Variants in EFCAB6 observed in about 807,000 individuals in gnomAD.
EFCAB6 encodes the protein EF-hand calcium-binding domain-containing protein 6.
A neutral mutation model predicts 169.8 loss-of-function variants in EFCAB6; 156 were observed. The ratio of observed to expected loss-of-function variants is 0.92; its 90% CI spans 0.81 to 1.05. The LOEUF is 1.05. EFCAB6 is among the 50% of genes least tolerant of loss of function. The pLI, the probability that EFCAB6 is intolerant of heterozygous loss-of-function variation, is 0.00. For synonymous variants in EFCAB6, 698 were observed against 676.4 expected, an observed-to-expected ratio of 1.03 and a Z score of -0.50; for missense variants, 1,800 against 1,829.1, an observed-to-expected ratio of 0.98 and a Z score of 0.29.
chr22:43,772,908 T>C lies in EFCAB6; in HGVS notation c.335A>G (p.Gln112Arg). ...ATACAGCACCTGAGCCAACACGTCC[T>C]GAAACTGTTCTCGTGTGAGCGGCAT... is the stretch of plus-strand genomic sequence containing the variant. ...FLMPLTREQFQDVLAQIPLST... is the reference protein window; with the variant it reads ...FLMPLTREQFRDVLAQIPLST... Residue 112 changes from glutamine (Q) to arginine (R), a missense_variant, in exon 4 of 32, where the codon CAG (glutamine) becomes CGG (arginine). Gln to Arg is a conservative substitution (Grantham distance 43). Coordinates refer to ENST00000262726, the MANE Select transcript of EFCAB6 (RefSeq NM_022785.4). 1.2e-6 allele frequency: 2 copies of C among 1,614,244 alleles called. No individual in the cohort carries two copies. Among genetic ancestry groups the C allele is most frequent in the Non-Finnish European group, 1.7e-6 (2 of 1,180,038 alleles).
intron 29 of EFCAB6, 105 bp from the exon 30 acceptor site, chr22:43,534,977 G>T: frequency 8.0e-7 from 1 of 1,255,680 alleles, no homozygotes; most frequent in Non-Finnish European, 1.1e-6. Flanking sequence ...TTCAGGCCCT[G>T]GCTTGGTCCT....
chr22:43,631,726 T>C (rs1053342553), intron 19 of EFCAB6, among the ~76,000 whole-genome samples: 1 of 152,060 alleles, frequency 6.6e-6, no homozygotes, highest in South Asian at 2.1e-4. Flanking sequence ...TTAGCACAGA[T>C]TCTAGCACAT....
At chr22:43,549,662 G>A (rs1233081454) in intron 27 of EFCAB6, among the ~76,000 whole-genome samples, 6 of 152,162 alleles carry the variant, frequency 3.9e-5, no homozygotes, top group African/African-American at 1.4e-4. Flanking sequence ...AGAAAAAGGG[G>A]ATTAACTAAA....
At chr22:43,690,528 A>AG (rs2058373738) in intron 10 of EFCAB6, among the ~76,000 whole-genome samples, 1 of 151,252 alleles carries the variant, frequency 6.6e-6, no homozygotes, top group Non-Finnish European at 1.5e-5. Flanking sequence ...AAAAAAAAAA[A>AG]AAAATGCAAA....
chr22:43,635,368 A>G (rs1452676319), intron 17 of EFCAB6, 152 bp from the exon 18 acceptor site: 1 of 637,142 alleles, frequency 1.6e-6, no homozygotes, highest in Non-Finnish European at 2.8e-6. Context: ...GGTGGGACCG[A>G]GTCTCCTGTG....
intron 6 of EFCAB6, among the ~76,000 whole-genome samples, chr22:43,752,036 G>A (rs781551434): frequency 1.1e-4 from 17 of 152,016 alleles, no homozygotes; most frequent in Non-Finnish European, 2.2e-4. Flanking sequence ...CAGCCAAGAG[G>A]GGTCCCTTAT....
chr22:43,762,441 G>C (rs1477539995), intron 5 of EFCAB6, among the ~76,000 whole-genome samples: 1 of 152,134 alleles, frequency 6.6e-6, no homozygotes, highest in Non-Finnish European at 1.5e-5. Context: ...CCCTTCTCTA[G>C]ATCCCAATTT....
At position 43,535,005 on chromosome 22, in the gene EFCAB6, G is replaced by A. The variant is rs552273929; in HGVS notation, c.4049-133C>T. ...TTGGTCCTCACATCAAAGAACTCAC[G>A]GTTGGTGGCTGGACATATGTGGAGA... On this transcript the variant is annotated intron_variant, in intron 29 of 31. Transcript: ENST00000262726. The A allele has an allele frequency of 9.7e-5, 88 of 908,306 alleles. No individual in the cohort carries two copies. In the African/African-American group the frequency reaches 1.3e-3, roughly 14 times the overall value. The allele number at this position is 908,306 out of a possible 1,614,324, so 56.3% of individuals were successfully genotyped here.
At chr22:43,721,058 C>T (rs1282572902) in intron 8 of EFCAB6, among the ~76,000 whole-genome samples, 12 of 152,174 alleles carry the variant, frequency 7.9e-5, no homozygotes, top group Admixed American at 7.2e-4. Context: ...GTACAAAAAT[C>T]AGTGGCATTT....
At chr22:43,805,681 C>T (rs143177623) in intron 2 of EFCAB6, among the ~76,000 whole-genome samples, 8 of 152,062 alleles carry the variant, frequency 5.3e-5, no homozygotes, top group African/African-American at 1.9e-4. Flanking sequence ...TTGTACATTT[C>T]AAAATAGCTA....
In EFCAB6 at chr22:43,548,539, C is replaced by CAAAAAAAAAAAAAA. The variant is rs397868076; in HGVS notation, c.3648+6316_3648+6329dup. On this transcript the variant is annotated intron_variant, in intron 27 of 31. Transcript: ENST00000262726. ...TGGGTGACAGAGCGAGAATCCATCT[C>CAAAAAAAAAAAAAA]AAAAAAAAAAAAAAAAAAAAAAAAA... Among the ~76,000 whole-genome samples, 16 of 36,750 alleles carry CAAAAAAAAAAAAAA rather than the reference C, an allele frequency of 4.4e-4. 1 individual carries two copies. Among genetic ancestry groups the CAAAAAAAAAAAAAA allele is most frequent in the Non-Finnish European group, 6.9e-4 (15 of 21,804 alleles). 24.1% of individuals were successfully genotyped at this position (36,750 alleles called of 152,430 possible).
At chr22:43,671,906 GT>G (rs1319823933) in intron 15 of EFCAB6, 66 bp downstream of exon 15, 9 of 1,550,180 alleles carry the variant, frequency 5.8e-6, no homozygotes, top group Non-Finnish European at 7.9e-6. Flanking sequence ...CACAGAAAAG[GT>G]TTAGAATTAT....
At chr22:43,723,845 G>A (rs1569443135) in intron 8 of EFCAB6, among the ~76,000 whole-genome samples, 1 of 152,194 alleles carries the variant, frequency 6.6e-6, no homozygotes, top group Non-Finnish European at 1.5e-5. Flanking sequence ...CGGAATGTGG[G>A]GGCAGAGTCC....
chr22:43,765,644 C>T (rs2061304725), intron 4 of EFCAB6, among the ~76,000 whole-genome samples: 1 of 151,970 alleles, frequency 6.6e-6, no homozygotes, highest in African/African-American at 2.4e-5. Flanking sequence ...GAGTTATCTA[C>T]AAAATTATTT....
intron 17 of EFCAB6, among the ~76,000 whole-genome samples, chr22:43,666,691 G>GTTTTGTTT (rs2057266546): frequency 2.1e-4 from 16 of 77,834 alleles, no homozygotes; most frequent in South Asian, 5.2e-4. Context: ...CTGCCAGATT[G>GTTTTGTTT]TTTTTTTTTT....
At chr22:43,586,894 C>G (rs564164617) in intron 24 of EFCAB6, among the ~76,000 whole-genome samples, 1 of 151,982 alleles carries the variant, frequency 6.6e-6, no homozygotes, top group African/African-American at 2.4e-5. Flanking sequence ...GTTTGGGGAC[C>G]GCTGGCATAA....
chr22:43,651,108 C>A (rs1375402123), intron 17 of EFCAB6, among the ~76,000 whole-genome samples: 1 of 152,202 alleles, frequency 6.6e-6, no homozygotes, highest in Non-Finnish European at 1.5e-5. Flanking sequence ...ATATTAATCC[C>A]CAAGACAATG....
At chr22:43,698,505 G>A (rs532918061) in intron 10 of EFCAB6, among the ~76,000 whole-genome samples, 4 of 152,300 alleles carry the variant, frequency 2.6e-5, no homozygotes, top group African/African-American at 7.2e-5. Context: ...AGTGAAGAAG[G>A]TGTGGCAATG....
In EFCAB6 at chr22:43,629,585, G is replaced by C. The variant is rs143925023; in HGVS notation, c.2232+2520C>G. 7.6e-3 allele frequency among the ~76,000 whole-genome samples: 1,157 copies of C among 152,260 alleles called. 6 individuals carry two copies. The highest frequency in any genetic ancestry group is 0.017 in the Middle Eastern group (5 of 292). The stretch of plus-strand genomic sequence containing the variant: ...TGGTGAATGATGTAGAAATGGCTCG[G>C]GGCTCACTGTTGAATCTAACTGCAG... On this transcript the variant is annotated intron_variant, in intron 19 of 31. Transcript: ENST00000262726.
Sources: allele counts gnomAD v4.1 joint callset (sites outside exome capture counted in the v4.1 genomes callset), GRCh38; gene constraint gnomAD v4.1.1; transcripts MANE v1.5; gene names NCBI Gene and HGNC (gene_info 2026-07-23, HGNC 2026-07-21).